Variants in RSPH14 observed in about 807,000 individuals in gnomAD.
RSPH14 encodes rhabdoid tumor deletion region gene 1.
In RSPH14, 20 loss-of-function variants were observed where a neutral mutation model predicts 26.7. The ratio of observed to expected loss-of-function variants is 0.75; its 90% CI spans 0.53 to 1.09. RSPH14 has a LOEUF of 1.09. RSPH14 is among the 50% of genes least tolerant of loss of function. The pLI, the probability that RSPH14 is intolerant of heterozygous loss-of-function variation, is 0.00. For synonymous variants in RSPH14, 177 were observed against 189.3 expected (o/e 0.93, Z 0.53); for missense variants, 449 against 457.2 (o/e 0.98, Z 0.16).
intron 4 of RSPH14, chr22:23,124,337 CT>C: frequency 7.6e-6 from 3 of 397,082 alleles, no homozygotes; most frequent in Admixed American, 3.3e-5. Flanking sequence ...TTCAGGTGGT[CT>C]TTTTTGTGTC....
At chr22:23,128,865 C>T (rs986614824) in intron 4 of RSPH14, among the ~76,000 whole-genome samples, 10 of 152,232 alleles carry the variant, frequency 6.6e-5, no homozygotes, top group Non-Finnish European at 1.2e-4. Context: ...TTGTTGAGCG[C>T]TAGCCACATG....
At chr22:23,100,257 T>A (rs1262110801) in intron 4 of RSPH14, among the ~76,000 whole-genome samples, 1 of 152,224 alleles carries the variant, frequency 6.6e-6, no homozygotes, top group Non-Finnish European at 1.5e-5. Context: ...CTACCAGGGA[T>A]ACCTGCCCTG....
chr22:23,173,046 C>T, the RSPH14 span, among the ~76,000 whole-genome samples: 1 of 152,148 alleles, frequency 6.6e-6, no homozygotes, highest in Non-Finnish European at 1.5e-5. Flanking sequence ...TAAGTTTCCT[C>T]CATGTTTTTC....
the RSPH14 span, chr22:23,161,620 G>GT: frequency 6.9e-7 from 1 of 1,445,288 alleles, no homozygotes; most frequent in South Asian, 1.2e-5. Flanking sequence ...AGGAATTTCC[G>GT]TGACTGTGGT....
At chr22:23,172,029 C>G in the RSPH14 span, among the ~76,000 whole-genome samples, 2 of 152,050 alleles carry the variant, frequency 1.3e-5, no homozygotes, top group South Asian at 4.1e-4. Flanking sequence ...CATTTTATAT[C>G]CATCTGTTAA....
intron 4 of RSPH14, among the ~76,000 whole-genome samples, chr22:23,079,279 G>A (rs2068604653): frequency 6.6e-6 from 1 of 152,256 alleles, no homozygotes. Context: ...AGGATGGGCA[G>A]GGAGGCCTCC....
At chr22:23,164,631 G>A in the RSPH14 span, among the ~76,000 whole-genome samples, 1 of 152,162 alleles carries the variant, frequency 6.6e-6, no homozygotes, top group African/African-American at 2.4e-5. Context: ...GTCTGGTCTT[G>A]TGGGCCCAGG....
chr22:23,115,920 C>T (rs578103233), intron 4 of RSPH14, among the ~76,000 whole-genome samples: 10 of 152,366 alleles, frequency 6.6e-5, no homozygotes, highest in Admixed American at 3.3e-4. Context: ...CCCCCTACCC[C>T]CTGGGCCCTG....
At chr22:23,140,130 A>G (rs1211433868) in intron 2 of RSPH14, 92 bp downstream of exon 2, 26 of 1,530,664 alleles carry the variant, frequency 1.7e-5, no homozygotes, top group Non-Finnish European at 2.0e-5. Context: ...GTCAGGCTCA[A>G]ACAATAGCAA....
intron 2 of RSPH14, among the ~76,000 whole-genome samples, chr22:23,139,406 A>C (rs1484652788): frequency 6.6e-6 from 1 of 152,234 alleles, no homozygotes; most frequent in African/African-American, 2.4e-5. Context: ...GGATCACCTG[A>C]GATCAGGAGT....
intron 4 of RSPH14, among the ~76,000 whole-genome samples, chr22:23,109,779 T>G (rs1200387006): frequency 6.6e-6 from 1 of 152,184 alleles, no homozygotes; most frequent in African/African-American, 2.4e-5. Flanking sequence ...CCCTGGAAGC[T>G]GTGGGAGTGG....
At chr22:23,090,964 C>A (rs918046086) in intron 4 of RSPH14, among the ~76,000 whole-genome samples, 1 of 152,210 alleles carries the variant, frequency 6.6e-6, no homozygotes, top group East Asian at 1.9e-4. Flanking sequence ...CTGGAGAGCC[C>A]CTGACCCATC....
intron 4 of RSPH14, among the ~76,000 whole-genome samples, chr22:23,090,412 A>T (rs1420197801): frequency 6.6e-6 from 1 of 151,722 alleles, no homozygotes; most frequent in African/African-American, 2.4e-5. Context: ...CCCTTTTATC[A>T]CCTGGATGTT....
intron 4 of RSPH14, among the ~76,000 whole-genome samples, chr22:23,110,205 G>C (rs1287725073): frequency 6.6e-6 from 1 of 152,168 alleles, no homozygotes; most frequent in Non-Finnish European, 1.5e-5. Flanking sequence ...AAGGGGCCTA[G>C]GCAAGCCAGG....
chr22:23,136,712 C>T (rs895601251), intron 3 of RSPH14, among the ~76,000 whole-genome samples: 2 of 139,350 alleles, frequency 1.4e-5, no homozygotes, highest in Non-Finnish European at 1.6e-5. Context: ...CTGATAATTG[C>T]TCAGGCTTCA....
the RSPH14 span, chr22:23,159,035 C>T: frequency 2.5e-6 from 4 of 1,591,464 alleles, no homozygotes; most frequent in African/African-American, 1.3e-5. Context: ...CCTCCCCTTA[C>T]AGCCCTCATT....
chr22:23,130,013 AAAG>A (rs2070274808), intron 4 of RSPH14, among the ~76,000 whole-genome samples: 1 of 150,936 alleles, frequency 6.6e-6, no homozygotes, highest in Non-Finnish European at 1.5e-5. Flanking sequence ...AAAGGAAGGA[AAAG>A]AAGGAAAGAA....
At chr22:23,059,760 G>T (rs1231372653) in intron 6 of RSPH14, 42 bp from the exon 7 acceptor site, 1 of 1,491,452 alleles carries the variant, frequency 6.7e-7, no homozygotes, top group Non-Finnish European at 8.9e-7. Flanking sequence ...AGCCCAAGGG[G>T]CCCTCTTCTC....
Position 23,062,003 on chromosome 22 carries a change from C to T in RSPH14, c.654-58G>A, listed in dbSNP as rs939074869. On this transcript the variant is annotated intron_variant, in intron 5 of 6. Transcript: ENST00000216036. ...CTTGGAAGGGAGAAGAGGCGCAAGG[C>T]CCAGGAGTGCCCCAGGGAGACACAA... The T allele has an allele frequency of 1.9e-6, 3 of 1,599,578 alleles. No homozygotes were observed. In the Admixed American group the frequency reaches 5.1e-5, roughly 27 times the overall value.
Sources: gnomAD v4.1 joint callset for allele counts (sites outside exome capture counted in the v4.1 genomes callset) on GRCh38, gnomAD v4.1.1 for gene constraint, MANE v1.5 for transcripts, NCBI Gene and HGNC (gene_info 2026-07-23, HGNC 2026-07-21) for gene names.